EIF2AK3: variants seen among roughly 807,000 people sequenced by gnomAD.
EIF2AK3 encodes eukaryotic translation initiation factor 2 alpha kinase 3, also known as eukaryotic translation initiation factor 2-alpha kinase 3.
EIF2AK3 carries 50 observed loss-of-function variants against 113.5 expected under a neutral mutation model. The ratio of observed to expected loss-of-function variants is 0.44; its 90% CI spans 0.35 to 0.56. The LOEUF (loss-of-function observed/expected upper bound fraction) is 0.56, where lower values mean the gene tolerates loss of function less well. EIF2AK3 is among the 20% of genes least tolerant of loss of function. EIF2AK3 has a pLI of 0.00. For synonymous variants in EIF2AK3, 448 were observed against 495.4 expected (o/e 0.90, Z 1.27); for missense variants, 1,185 against 1,378.0 (o/e 0.86, Z 2.22).
At chr2:88,599,427 A>G (rs576799408) in intron 2 of EIF2AK3, among the ~76,000 whole-genome samples, 1 of 152,048 alleles carries the variant, frequency 6.6e-6, no homozygotes, top group African/African-American at 2.4e-5. Context: ...AATTTAGGTC[A>G]GAGTATGCAC....
intron 6 of EIF2AK3, 71 bp from the exon 7 acceptor site, chr2:88,588,972 AC>A: frequency 6.5e-7 from 1 of 1,529,398 alleles, no homozygotes; most frequent in Non-Finnish European, 8.9e-7. Context: ...AAATAAAATT[AC>A]ATTAATTCCA....
chr2:88,627,614 T>C (rs988204064), upstream of EIF2AK3: 5 of 266,036 alleles, frequency 1.9e-5, no homozygotes, highest in Non-Finnish European at 3.5e-5. Context: ...CAAATCGTAA[T>C]TTCGTCGTTC....
chr2:88,587,529 A>T (rs1674767466), intron 8 of EIF2AK3, among the ~76,000 whole-genome samples: 1 of 152,230 alleles, frequency 6.6e-6, no homozygotes, highest in Non-Finnish European at 1.5e-5. Context: ...CTCATTGTGC[A>T]TCATTTTCAT....
chr2:88,583,967 C>G (rs1455142986), intron 9 of EIF2AK3, among the ~76,000 whole-genome samples: 1 of 152,166 alleles, frequency 6.6e-6, no homozygotes. Flanking sequence ...TCCTTCCTAA[C>G]CAGTTTCATA....
intron 2 of EIF2AK3, among the ~76,000 whole-genome samples, chr2:88,609,137 A>T (rs1243379095): frequency 6.6e-6 from 1 of 152,062 alleles, no homozygotes. Context: ...TGAGCAGCAC[A>T]CACCTTGCTG....
intron 9 of EIF2AK3, 22 bp downstream of exon 9, chr2:88,585,819 A>C: frequency 6.2e-7 from 1 of 1,607,040 alleles, no homozygotes; most frequent in Non-Finnish European, 8.5e-7. Context: ...GAAACCAGAC[A>C]GTAAGCAACC....
intron 4 of EIF2AK3, among the ~76,000 whole-genome samples, chr2:88,592,791 T>C (rs1215900239): frequency 2.0e-5 from 3 of 151,284 alleles, no homozygotes; most frequent in African/African-American, 7.3e-5. Flanking sequence ...ATCATTAACC[T>C]GAGACTAAAC....
intron 9 of EIF2AK3, 33 bp downstream of exon 9, chr2:88,585,808 G>A (rs770696302): frequency 1.2e-6 from 2 of 1,600,826 alleles, no homozygotes; most frequent in South Asian, 2.2e-5. Flanking sequence ...GTGGGGAAGT[G>A]GAAACCAGAC....
chr2:88,615,709 C>T (rs563226144), intron 1 of EIF2AK3, among the ~76,000 whole-genome samples: 1 of 152,312 alleles, frequency 6.6e-6, no homozygotes, highest in African/African-American at 2.4e-5. Context: ...AAAAACCAAA[C>T]CAGATCAAAC....
Position 88,625,336 on chromosome 2 carries a change from C to CACAGACAT in EIF2AK3, c.308+1630_308+1631insATGTCTGT, listed in dbSNP as rs1405281238. Among the ~76,000 whole-genome samples, 125 of 128,998 alleles carry CACAGACAT rather than the reference C, an allele frequency of 9.7e-4. 2 individuals carry two copies. Among genetic ancestry groups the CACAGACAT allele is most frequent in the East Asian group, 1.5e-3 (6 of 3,964 alleles). The allele number at this position is 128,998 out of a possible 152,430, so 84.6% of individuals were successfully genotyped here. ...ACACACACACACACACAGACATACA[C>CACAGACAT]AGAGACAAAATGTTTTCCAAACATA... On this transcript the variant is annotated intron_variant, in intron 1 of 16. Transcript: ENST00000303236.
intron 2 of EIF2AK3, among the ~76,000 whole-genome samples, chr2:88,605,448 C>G (rs1463415734): frequency 6.6e-6 from 1 of 152,164 alleles, no homozygotes; most frequent in Non-Finnish European, 1.5e-5. Flanking sequence ...GGATTCACAT[C>G]TGTTTAAAAA....
chr2:88,578,932 C>T (rs973929308), intron 11 of EIF2AK3, among the ~76,000 whole-genome samples: 1 of 151,804 alleles, frequency 6.6e-6, no homozygotes, highest in Non-Finnish European at 1.5e-5. Flanking sequence ...AATGGTTAAA[C>T]AAAATATGGC....
rs750810139 is a variant in EIF2AK3, at chr2:88,588,041, T to C, written c.1370A>G (p.Asp457Gly). 8.2e-6 allele frequency: 13 copies of C among 1,584,160 alleles called. No homozygotes were observed. The highest frequency in any genetic ancestry group is 6.7e-5 in the Admixed American group (4 of 59,556). Reference protein sequence around the residue: ...SDEFDKCLSNDKFSHEEYSNG... With the variant: ...SDEFDKCLSNGKFSHEEYSNG... ...ACTATATTCTTCATGAGAAAACTTA[T>C]CATTACTGAGACATTTGTCAAATTC... The change falls in exon 8 of 17, where the codon GAT becomes GGT. Residue 457 changes from aspartate to glycine, a missense_variant. Asp to Gly is a moderately conservative substitution (Grantham distance 94). Transcript: ENST00000303236.
intron 2 of EIF2AK3, among the ~76,000 whole-genome samples, chr2:88,596,721 C>A (rs1199200010): frequency 6.6e-6 from 1 of 152,024 alleles, no homozygotes; most frequent in African/African-American, 2.4e-5. Context: ...AGAGAGCAGG[C>A]AGAAGGTAAG....
intron 1 of EIF2AK3, among the ~76,000 whole-genome samples, chr2:88,626,097 G>A (rs948636827): frequency 6.6e-6 from 1 of 152,066 alleles, no homozygotes; most frequent in Non-Finnish European, 1.5e-5. Context: ...TTCTCCACGG[G>A]TGTGATAAGA....
At chr2:88,565,202 A>C (rs951787097) in intron 14 of EIF2AK3, among the ~76,000 whole-genome samples, 2 of 151,430 alleles carry the variant, frequency 1.3e-5, no homozygotes, top group Admixed American at 1.3e-4. Flanking sequence ...ATGCCCGGTA[A>C]TTTTTATATT....
At chr2:88,591,969 T>C (rs1674898172) in intron 4 of EIF2AK3, among the ~76,000 whole-genome samples, 1 of 152,170 alleles carries the variant, frequency 6.6e-6, no homozygotes, top group African/African-American at 2.4e-5. Flanking sequence ...TAGTCCAAAG[T>C]AGAAAGAATA....
At chr2:88,595,406 A>T (rs991063139) in intron 3 of EIF2AK3, 63 bp downstream of exon 3, 2 of 1,485,074 alleles carry the variant, frequency 1.3e-6, no homozygotes, top group African/African-American at 2.8e-5. Context: ...TAGTTTAATA[A>T]ATTACTTTTT....
At chr2:88,623,320 C>T (rs573518896) in intron 1 of EIF2AK3, among the ~76,000 whole-genome samples, 57 of 152,228 alleles carry the variant, frequency 3.7e-4, no homozygotes, top group African/African-American at 1.3e-3. Context: ...AGCAGAAGAA[C>T]ATGGACAACG....
Sources: allele counts gnomAD v4.1 joint callset (sites outside exome capture counted in the v4.1 genomes callset), GRCh38; gene constraint gnomAD v4.1.1; transcripts MANE v1.5; gene names NCBI Gene and HGNC (gene_info 2026-07-23, HGNC 2026-07-21).